Variants in VWA3A observed in about 807,000 individuals in gnomAD.
The protein encoded by VWA3A is von Willebrand factor A domain containing 3A, also known as von Willebrand factor A domain-containing protein 3A.
VWA3A carries 134 observed loss-of-function variants against 160.4 expected under a neutral mutation model. The ratio of observed to expected loss-of-function variants is 0.84; its 90% CI spans 0.73 to 0.96. The LOEUF is 0.96. Among genes scored for constraint, VWA3A ranks in the 40% least tolerant of loss-of-function variants. The probability of loss-of-function intolerance (pLI) is 0.00; values close to 1 mark genes in which losing one functional copy is unlikely to be tolerated. For synonymous variants in VWA3A, 476 were observed against 543.4 expected, an observed-to-expected ratio of 0.88 and a Z score of 1.72; for missense variants, 1,310 against 1,447.9, an observed-to-expected ratio of 0.90 and a Z score of 1.55.
At chr16:22,154,454 G>A (rs1443301572) in intron 31 of VWA3A, among the ~76,000 whole-genome samples, 4 of 145,128 alleles carry the variant, frequency 2.8e-5, no homozygotes, top group African/African-American at 5.1e-5. Context: ...TCAGCCTCCC[G>A]AGTAGCTAGG....
At position 22,123,391 on chromosome 16, in the gene VWA3A, C is replaced by G. The variant is rs187399853; in HGVS notation, c.1438-222C>G. 1.4e-4 allele frequency: 197 copies of G among 1,439,774 alleles called. 2 individuals carry two copies. The highest frequency in any genetic ancestry group is 1.7e-4 in the Non-Finnish European group (181 of 1,060,014). 89.2% of individuals were successfully genotyped at this position (1,439,774 alleles called of 1,614,324 possible). A position where few individuals can be genotyped will look rare whatever the true frequency, so the allele number is the denominator to read the frequency against. On this transcript the variant is annotated intron_variant, in intron 15 of 33. Coordinates refer to ENST00000389398, the MANE Select transcript of VWA3A (RefSeq NM_173615.5). ...GGCTTCTAATCCTCTGGGGAAAGAT[C>G]TGCTTCCTTCCCCATTTGATGCAAT... is the stretch of plus-strand genomic sequence containing the variant.
At chr16:22,142,087 C>T (rs1481674912) in intron 24 of VWA3A, among the ~76,000 whole-genome samples, 1 of 152,178 alleles carries the variant, frequency 6.6e-6, no homozygotes, top group African/African-American at 2.4e-5. Flanking sequence ...CCCAAACAGC[C>T]TTTCCCCATC....
chr16:22,149,753 T>C, intron 28 of VWA3A, 34 bp from the exon 29 acceptor site: 1 of 1,568,038 alleles, frequency 6.4e-7, no homozygotes, highest in Non-Finnish European at 8.7e-7. Flanking sequence ...TCTCCCCTTC[T>C]CTGCCCCTCA....
intron 27 of VWA3A, 42 bp downstream of exon 27, chr16:22,146,386 G>T (rs779917640): frequency 3.2e-6 from 5 of 1,564,088 alleles, no homozygotes; most frequent in South Asian, 1.1e-5. Context: ...GAGCATGAGG[G>T]GATGTAGAAG....
rs370867630 is a variant in VWA3A at position 22,118,547 on chromosome 16, G to A, written c.991-355G>A. ...AAAAATAACAAAAAATTAGCCGGGC[G>A]TGGTGGCGGGCGCCTGTAGTCCCAG... On this transcript the variant is annotated intron_variant, in intron 11 of 33. Coordinates refer to ENST00000389398, the MANE Select transcript of VWA3A (RefSeq NM_173615.5). Among the ~76,000 whole-genome samples the A allele has an allele frequency of 6.6e-5, 10 of 152,186 alleles. No homozygotes were observed. The East Asian group carries it at 9.7e-4, about 15-fold the overall frequency.
chr16:22,122,339 GA>G (rs1167720830), intron 14 of VWA3A, among the ~76,000 whole-genome samples: 28 of 151,978 alleles, frequency 1.8e-4, no homozygotes, highest in African/African-American at 6.0e-4. Flanking sequence ...ATGGATGGGT[GA>G]ATGGATAGAA....
At chr16:22,134,006 C>T (rs946404833) in intron 20 of VWA3A, among the ~76,000 whole-genome samples, 7 of 152,060 alleles carry the variant, frequency 4.6e-5, no homozygotes, top group African/African-American at 1.7e-4. Context: ...CTCTGTCACC[C>T]AGGCTGGAGT....
At position 22,115,485 on chromosome 16, in the gene VWA3A, TC is replaced by T; in HGVS notation, c.815+15del. On this transcript the variant is annotated intron_variant, in intron 9 of 33. Coordinates refer to ENST00000389398, the MANE Select transcript of VWA3A (RefSeq NM_173615.5). ...TCATGAGAAGCTGGTAGGTCTTCTT[TC>T]CTAAGCAGGTGACATACTACATGAA... 1.3e-6 allele frequency: 2 copies of T among 1,597,352 alleles called. No individual in the cohort carries two copies. Among genetic ancestry groups the T allele is most frequent in the Non-Finnish European group, 1.7e-6 (2 of 1,174,320 alleles).
At position 22,131,646 on chromosome 16, in the gene VWA3A, GT is replaced by G. The variant is rs1247212989; in HGVS notation, c.1790del (p.Val597GlyfsTer3). ...CGTTCTCAGCGCCCTGCGGAAGGCTGTGGAAGTAGACTTCAAGGACAAAGAC... is the reference window on the plus strand; with the variant it reads ...CGTTCTCAGCGCCCTGCGGAAGGCTGGGAAGTAGACTTCAAGGACAAAGAC... ...RNVLSALRKA[V>X]EVDFKDKDKH... is the part of the protein sequence containing the mutation. On this transcript the variant is annotated frameshift_variant, in exon 19 of 34. Coordinates refer to ENST00000389398, the MANE Select transcript of VWA3A (RefSeq NM_173615.5). LOFTEE classifies it high-confidence loss of function. 1.9e-6 allele frequency: 3 copies of G among 1,613,880 alleles called. No homozygotes were observed. The highest frequency in any genetic ancestry group is 2.5e-6 in the Non-Finnish European group (3 of 1,179,896).
rs2046436295 is a variant in VWA3A at position 22,156,082 on chromosome 16, G to T, written c.*65G>T. The T allele has an allele frequency of 2.8e-6, 2 of 711,986 alleles. No individual in the cohort carries two copies. The highest frequency in any genetic ancestry group is 4.6e-6 in the Non-Finnish European group (2 of 431,738). 44.1% of individuals were successfully genotyped at this position (711,986 alleles called of 1,614,324 possible). A position where few individuals can be genotyped will look rare whatever the true frequency, so the allele number is the denominator to read the frequency against. ...CACTGAGCAAATCTCAGCCCCGAGG[G>T]CAGGATGGGATGAAATGCTGTGACC... On this transcript the variant is annotated 3_prime_UTR_variant, in exon 34 of 34. Transcript: ENST00000389398.
At chr16:22,100,096 T>C in intron 3 of VWA3A, 98 bp from the exon 4 acceptor site, 2 of 1,337,738 alleles carry the variant, frequency 1.5e-6, no homozygotes, top group Non-Finnish European at 9.9e-7. Context: ...AAAGATAGGG[T>C]CAGTCTGAGT....
chr16:22,147,390 C>T (rs765703556), intron 27 of VWA3A, among the ~76,000 whole-genome samples: 7 of 152,202 alleles, frequency 4.6e-5, no homozygotes, highest in South Asian at 2.1e-4. Context: ...GATTAAGAGA[C>T]GGTCTGGAAG....
At chr16:22,108,787 G>C (rs532840675) in intron 6 of VWA3A, among the ~76,000 whole-genome samples, 12 of 152,268 alleles carry the variant, frequency 7.9e-5, no homozygotes, top group Non-Finnish European at 1.8e-4. Context: ...AAACAGCATT[G>C]ACAAGTAATA....
chr16:22,142,570 A>AT, intron 24 of VWA3A, 98 bp from the exon 25 acceptor site: 1 of 886,090 alleles, frequency 1.1e-6, no homozygotes, highest in East Asian at 2.7e-5. Context: ...AACACCTCCC[A>AT]TTAAGCCCCA....
chr16:22,137,894 C>T (rs1034235715), intron 21 of VWA3A, among the ~76,000 whole-genome samples: 4 of 152,114 alleles, frequency 2.6e-5, no homozygotes, highest in Non-Finnish European at 4.4e-5. Flanking sequence ...AGAGGAACAA[C>T]GGGGATGCAA....
At chr16:22,111,661 T>C (rs2045553786) in intron 8 of VWA3A, among the ~76,000 whole-genome samples, 1 of 151,938 alleles carries the variant, frequency 6.6e-6, no homozygotes. Flanking sequence ...TTTGTATTTT[T>C]TGGTAGAGAC....
chr16:22,126,769 A>G (rs1312022855), intron 17 of VWA3A, among the ~76,000 whole-genome samples: 2 of 152,140 alleles, frequency 1.3e-5, no homozygotes, highest in Non-Finnish European at 2.9e-5. Flanking sequence ...GCACCTTGGG[A>G]GGCCGAGACA....
At chr16:22,137,220 G>A (rs1365003422) in intron 21 of VWA3A, among the ~76,000 whole-genome samples, 1 of 152,114 alleles carries the variant, frequency 6.6e-6, no homozygotes, top group Non-Finnish European at 1.5e-5. Flanking sequence ...CTTTCCAGAG[G>A]ATGCTTATTT....
chr16:22,149,658 G>A (rs949615718), intron 28 of VWA3A, 129 bp from the exon 29 acceptor site: 2 of 1,198,508 alleles, frequency 1.7e-6, no homozygotes, highest in African/African-American at 3.1e-5. Context: ...TCGTTGTAGG[G>A]GTCTTCAGTG....
Sources: gnomAD v4.1 joint callset for allele counts (sites outside exome capture counted in the v4.1 genomes callset) on GRCh38, gnomAD v4.1.1 for gene constraint, MANE v1.5 for transcripts, NCBI Gene and HGNC (gene_info 2026-07-23, HGNC 2026-07-21) for gene names.